Variants in ASPH observed in about 807,000 individuals in gnomAD.
The protein encoded by ASPH is aspartate beta-hydroxylase.
ASPH carries 100 observed loss-of-function variants against 118.4 expected under a neutral mutation model. That is an observed-to-expected ratio of 0.84 (90% CI 0.72 to 1.00). The LOEUF (loss-of-function observed/expected upper bound fraction) is 1.00. Among genes scored for constraint, ASPH ranks in the 50% least tolerant of loss-of-function variants. The pLI is 0.00. For missense variants in ASPH, 920 were observed against 919.5 expected, an observed-to-expected ratio of 1.00 and a Z score of -0.01; for synonymous variants, 315 against 325.6, an observed-to-expected ratio of 0.97 and a Z score of 0.35.
intron 24 of ASPH, among the ~76,000 whole-genome samples, chr8:61,512,400 C>T (rs1041815965): frequency 6.6e-6 from 1 of 152,160 alleles, no homozygotes; most frequent in Non-Finnish European, 1.5e-5. Flanking sequence ...GCAATGTGAA[C>T]ACAGAGGCAG....
chr8:61,629,436 G>T (rs4738911), intron 13 of ASPH, among the ~76,000 whole-genome samples: 127,022 of 152,136 alleles, frequency 0.83, 53,173 homozygotes, highest in African/African-American at 0.88. Context: ...TGATTTCAAG[G>T]AAAACTATGA....
chr8:61,655,201 T>C (rs1813014715), intron 3 of ASPH, among the ~76,000 whole-genome samples: 1 of 152,204 alleles, frequency 6.6e-6, no homozygotes, highest in South Asian at 2.1e-4. Flanking sequence ...ACTACTCTGC[T>C]AAGTCTAAAT....
chr8:61,617,845 A>G (rs1320122805), intron 14 of ASPH, among the ~76,000 whole-genome samples: 1 of 147,910 alleles, frequency 6.8e-6, no homozygotes, highest in Non-Finnish European at 1.5e-5. Context: ...AGGCAGGAGA[A>G]TTGCTTGAAC....
At chr8:61,672,068 T>C (rs1822836602) in intron 3 of ASPH, among the ~76,000 whole-genome samples, 1 of 152,234 alleles carries the variant, frequency 6.6e-6, no homozygotes, top group African/African-American at 2.4e-5. Flanking sequence ...ATCGTAATCA[T>C]TTCAACATTG....
At chr8:61,581,880 T>C (rs10112601) in intron 15 of ASPH, among the ~76,000 whole-genome samples, 79,768 of 152,096 alleles carry the variant, frequency 0.52, 23,567 homozygotes, top group Non-Finnish European at 0.67. Flanking sequence ...ATAAATATTA[T>C]TATTTTTTAA....
chr8:61,523,403 C>T (rs1289624470), intron 22 of ASPH, among the ~76,000 whole-genome samples: 1 of 149,784 alleles, frequency 6.7e-6, no homozygotes, highest in African/African-American at 2.5e-5. Flanking sequence ...GCAATCTCTG[C>T]CTCCTGGGTT....
intron 14 of ASPH, among the ~76,000 whole-genome samples, chr8:61,608,758 G>T (rs1846369461): frequency 6.6e-6 from 1 of 152,128 alleles, no homozygotes; most frequent in Non-Finnish European, 1.5e-5. Context: ...CACCTAGAGT[G>T]ATGAAATCAG....
chr8:61,701,682 T>G (rs1289867157), intron 1 of ASPH, among the ~76,000 whole-genome samples: 1 of 152,160 alleles, frequency 6.6e-6, no homozygotes, highest in Non-Finnish European at 1.5e-5. Flanking sequence ...AATCTTAAGA[T>G]TCAAGAAAAT....
intron 14 of ASPH, among the ~76,000 whole-genome samples, chr8:61,610,400 T>C (rs998158167): frequency 6.6e-6 from 1 of 152,236 alleles, no homozygotes; most frequent in Non-Finnish European, 1.5e-5. Context: ...ACTGATGATA[T>C]ATGCTGAGCT....
Position 61,714,361 on chromosome 8 carries a change from C to A in ASPH, c.11G>T (p.Arg4Leu). MAQ[R>L]KNAKSSGNSS... ...GTTGCCGCTGCTCTTGGCATTCTTACGCTGGGCCATTGCACGGTCCGCGGG... is the reference window on the plus strand; with the variant it reads ...GTTGCCGCTGCTCTTGGCATTCTTAAGCTGGGCCATTGCACGGTCCGCGGG... Residue 4 changes from arginine to leucine, a missense_variant, in exon 1 of 25, where the codon CGT (arginine) becomes CTT (leucine). Arg to Leu is a moderately radical substitution (Grantham distance 102). Transcript: ENST00000379454. 9.2e-6 allele frequency: 14 copies of A among 1,517,670 alleles called. No homozygotes were observed. The highest frequency in any genetic ancestry group is 2.7e-5 in the East Asian group (1 of 36,488). The allele number at this position is 1,517,670 out of a possible 1,614,324, so 94.0% of individuals were successfully genotyped here.
intron 2 of ASPH, among the ~76,000 whole-genome samples, chr8:61,682,951 G>T (rs1828842729): frequency 6.6e-6 from 1 of 152,056 alleles, no homozygotes; most frequent in Non-Finnish European, 1.5e-5. Context: ...CCAAAAAGTG[G>T]AAACAACCCA....
intron 14 of ASPH, among the ~76,000 whole-genome samples, chr8:61,596,100 C>T (rs1842437143): frequency 6.6e-6 from 1 of 152,114 alleles, no homozygotes; most frequent in African/African-American, 2.4e-5. Flanking sequence ...TCCTGCTACT[C>T]CCTGTGCATG....
chr8:61,575,537 T>C (rs1331395121), intron 16 of ASPH, among the ~76,000 whole-genome samples: 1 of 152,204 alleles, frequency 6.6e-6, no homozygotes, highest in African/African-American at 2.4e-5. Context: ...TTTTAAAATA[T>C]GTTCTACTGA....
chr8:61,610,904 G>A (rs959055522), intron 14 of ASPH, among the ~76,000 whole-genome samples: 19 of 152,202 alleles, frequency 1.2e-4, no homozygotes, highest in African/African-American at 2.7e-4. Context: ...AGTTCAAGGC[G>A]GTGATGGCTT....
At chr8:61,561,192 A>T (rs1470345181) in intron 18 of ASPH, among the ~76,000 whole-genome samples, 1 of 151,738 alleles carries the variant, frequency 6.6e-6, no homozygotes, top group Non-Finnish European at 1.5e-5. Flanking sequence ...GACAGTGACA[A>T]ACTAATGGAT....
chr8:61,533,900 G>C (rs1188495379), intron 21 of ASPH, among the ~76,000 whole-genome samples: 5 of 152,164 alleles, frequency 3.3e-5, no homozygotes, highest in African/African-American at 1.2e-4. Flanking sequence ...TGAGGTTTCA[G>C]GTGGGGGGTG....
intron 21 of ASPH, among the ~76,000 whole-genome samples, chr8:61,529,299 T>C (rs1437377778): frequency 1.3e-5 from 2 of 152,140 alleles, no homozygotes; most frequent in Admixed American, 6.5e-5. Context: ...TCTCAGAGAT[T>C]TACTGGGTAC....
At chr8:61,592,678 G>A (rs1004158474) in intron 14 of ASPH, among the ~76,000 whole-genome samples, 1 of 152,150 alleles carries the variant, frequency 6.6e-6, no homozygotes, top group Non-Finnish European at 1.5e-5. Context: ...ACTGAGATGT[G>A]GTGTGAAGTT....
chr8:61,676,555 C>T (rs1012347207), intron 3 of ASPH, among the ~76,000 whole-genome samples: 1 of 152,074 alleles, frequency 6.6e-6, no homozygotes, highest in Non-Finnish European at 1.5e-5. Context: ...CAGCCCCTAC[C>T]CAGGTTTACC....
Sources: gnomAD v4.1 joint callset for allele counts (sites outside exome capture counted in the v4.1 genomes callset) on GRCh38, gnomAD v4.1.1 for gene constraint, MANE v1.5 for transcripts, NCBI Gene and HGNC (gene_info 2026-07-23, HGNC 2026-07-21) for gene names.